LPP: variants seen among roughly 807,000 people sequenced by gnomAD.
LPP encodes lipoma-preferred partner.
LPP carries 38 observed loss-of-function variants against 60.4 expected under a neutral mutation model. The ratio of observed to expected loss-of-function variants is 0.63; its 90% CI spans 0.49 to 0.83. The LOEUF is 0.83. Among genes scored for constraint, LPP ranks in the 40% least tolerant of loss-of-function variants. LPP has a pLI of 0.00. For missense variants in LPP, 902 were observed against 783.6 expected (o/e 1.15, Z -1.80); for synonymous variants, 328 against 290.8 (o/e 1.13, Z -1.30).
chr3:188,600,815 G>A (rs553020191), intron 6 of LPP, among the ~76,000 whole-genome samples: 1 of 151,306 alleles, frequency 6.6e-6, no homozygotes, highest in South Asian at 2.1e-4. Flanking sequence ...TTTGTTTTTT[G>A]TTTTTTGTTT....
chr3:188,612,331 T>C (rs1843895320), intron 7 of LPP, among the ~76,000 whole-genome samples: 2 of 152,138 alleles, frequency 1.3e-5, no homozygotes, highest in Admixed American at 6.5e-5. Flanking sequence ...AAGGGTGGGT[T>C]CCTTCACAGT....
chr3:188,334,249 T>C (rs1335192212), intron 2 of LPP, among the ~76,000 whole-genome samples: 1 of 152,208 alleles, frequency 6.6e-6, no homozygotes, highest in Non-Finnish European at 1.5e-5. Context: ...ATATAACACA[T>C]TTTCTTTGCC....
intron 9 of LPP, among the ~76,000 whole-genome samples, chr3:188,786,935 G>A (rs1742109666): frequency 6.6e-6 from 1 of 152,210 alleles, no homozygotes; most frequent in Non-Finnish European, 1.5e-5. Context: ...GAGACAAGAA[G>A]TCAGGGATTA....
At chr3:188,488,614 T>C (rs1234430675) in intron 5 of LPP, among the ~76,000 whole-genome samples, 1 of 144,270 alleles carries the variant, frequency 6.9e-6, no homozygotes, top group Non-Finnish European at 1.5e-5. Flanking sequence ...CTTGGGACGG[T>C]CAGTTAGTTT....
chr3:188,883,742 AAAAAAAAAAAAAG>A lies in LPP; in HGVS notation c.*9264_*9276del, dbSNP rs1037934212. ...AACGAGACTCCGTCTCAAAAAAAAA[AAAAAAAAAAAAAG>A]GTTGGGAAATATTGGTGTATAATCC... is the stretch of plus-strand genomic sequence containing the variant. On this transcript the variant is annotated 3_prime_UTR_variant, in exon 12 of 12. Coordinates refer to ENST00000617246, the MANE Select transcript of LPP (RefSeq NM_001375462.1). The A allele has an allele frequency of 4.7e-5, 9 of 191,340 alleles. No individual in the cohort carries two copies. Among genetic ancestry groups the A allele is most frequent in the African/African-American group, 2.1e-4 (9 of 43,138 alleles). The allele number at this position is 191,340 out of a possible 1,614,324, so 11.9% of individuals were successfully genotyped here.
At chr3:188,462,796 C>T (rs1471198636) in intron 4 of LPP, among the ~76,000 whole-genome samples, 3 of 151,590 alleles carry the variant, frequency 2.0e-5, no homozygotes, top group Non-Finnish European at 4.4e-5. Context: ...ACCCATTTTT[C>T]CAATTTCATT....
intron 9 of LPP, among the ~76,000 whole-genome samples, chr3:188,771,589 A>AAGGG (rs1481196258): frequency 1.7e-4 from 25 of 150,874 alleles, no homozygotes; most frequent in African/African-American, 5.1e-4. Flanking sequence ...GAAAGGGAGA[A>AAGGG]AGAAAGAAAG....
chr3:188,237,096 A>G (rs534449251), intron 2 of LPP, among the ~76,000 whole-genome samples: 3 of 152,302 alleles, frequency 2.0e-5, no homozygotes, highest in South Asian at 4.1e-4. Context: ...TTGTCATTCA[A>G]CGATGCTCAC....
At chr3:188,592,553 T>TTTTTTTTTTTTGTTG (rs1553936328) in intron 6 of LPP, among the ~76,000 whole-genome samples, 1 of 121,344 alleles carries the variant, frequency 8.2e-6, no homozygotes, top group African/African-American at 2.9e-5. Flanking sequence ...TTAGTTTTGT[T>TTTTTTTTTTTTGTTG]TTTGTTTTTT....
intron 9 of LPP, among the ~76,000 whole-genome samples, chr3:188,847,277 T>G (rs1291501706): frequency 6.6e-6 from 1 of 152,166 alleles, no homozygotes; most frequent in Admixed American, 6.5e-5. Context: ...ATGTTGCAGT[T>G]GTACTGTCAG....
At chr3:188,291,568 C>T (rs1745955275) in intron 2 of LPP, among the ~76,000 whole-genome samples, 1 of 150,824 alleles carries the variant, frequency 6.6e-6, no homozygotes, top group African/African-American at 2.4e-5. Flanking sequence ...ATGGTGTGAA[C>T]CCAGGAGGCG....
At chr3:188,413,151 A>AT (rs1785289445) in intron 4 of LPP, among the ~76,000 whole-genome samples, 2 of 152,112 alleles carry the variant, frequency 1.3e-5, no homozygotes, top group Admixed American at 6.6e-5. Context: ...CATGTGAGGG[A>AT]AATGGATGTC....
intron 2 of LPP, among the ~76,000 whole-genome samples, chr3:188,244,136 T>G (rs9824010): frequency 0.61 from 92,261 of 152,080 alleles, 28,364 homozygotes; most frequent in Middle Eastern, 0.69. Context: ...CTGCCAAAGT[T>G]CTGGGATTAT....
intron 5 of LPP, among the ~76,000 whole-genome samples, chr3:188,522,813 A>ATATATG (rs1819294417): frequency 7.7e-6 from 1 of 129,336 alleles, no homozygotes. Context: ...ATATATATAT[A>ATATATG]TATGTGTATG....
At chr3:188,531,656 G>A (rs1476437164) in intron 6 of LPP, among the ~76,000 whole-genome samples, 1 of 152,118 alleles carries the variant, frequency 6.6e-6, no homozygotes, top group East Asian at 1.9e-4. Context: ...TATGCCAGGA[G>A]GGTGGCATAC....
intron 6 of LPP, among the ~76,000 whole-genome samples, chr3:188,544,463 C>A (rs1434470214): frequency 2.6e-5 from 4 of 151,874 alleles, no homozygotes; most frequent in Non-Finnish European, 5.9e-5. Flanking sequence ...AGACACTTCT[C>A]AAAAGAAGAC....
chr3:188,207,212 C>CTTTTT (rs5855184), intron 1 of LPP, among the ~76,000 whole-genome samples: 42 of 129,260 alleles, frequency 3.2e-4, no homozygotes, highest in African/African-American at 4.6e-4. Flanking sequence ...TACACATTTT[C>CTTTTT]TTTTTTTTTT....
At chr3:188,577,744 TGTTCCTTCGTTCCTTC>T (rs71169008) in intron 6 of LPP, among the ~76,000 whole-genome samples, 11 of 41,426 alleles carry the variant, frequency 2.7e-4, no homozygotes, top group East Asian at 2.5e-3. Flanking sequence ...TTCCTTCCTT[TGTTCCTTCGTTCCTTC>T]GTTCCTTCCT....
intron 5 of LPP, among the ~76,000 whole-genome samples, chr3:188,501,814 G>A (rs747659313): frequency 2.6e-5 from 4 of 151,850 alleles, no homozygotes; most frequent in African/African-American, 4.8e-5. Flanking sequence ...CTACTCGGGA[G>A]GCTGAGGCAG....
Sources: allele counts gnomAD v4.1 joint callset (sites outside exome capture counted in the v4.1 genomes callset), GRCh38; gene constraint gnomAD v4.1.1; transcripts MANE v1.5; gene names NCBI Gene and HGNC (gene_info 2026-07-23, HGNC 2026-07-21).